The following CSMD2 variants were observed in gnomAD, a reference collection of about 807,000 sequenced individuals.
The protein encoded by CSMD2 is CUB and Sushi multiple domains 2, also known as CUB and sushi domain-containing protein 2.
Under a neutral mutation model 398.5 loss-of-function variants are expected in CSMD2, and 130 were observed. The observed-to-expected ratio is 0.33, with a 90% CI of 0.28 to 0.38. The LOEUF is 0.38. Ranked by LOEUF, CSMD2 falls within the 10% of genes least tolerant of loss-of-function variation. CSMD2 has a pLI of 1.00. For missense variants in CSMD2, 3,829 were observed against 4,764.9 expected (o/e 0.80, Z 5.78); for synonymous variants, 1,828 against 1,908.5 (o/e 0.96, Z 1.10).
intron 1 of CSMD2, among the ~76,000 whole-genome samples, chr1:34,123,670 G>A (rs1385655605): frequency 1.3e-5 from 2 of 152,106 alleles, no homozygotes; most frequent in African/African-American, 4.8e-5. Flanking sequence ...GGTAGATAGG[G>A]TAGGAGTTGA....
intron 5 of CSMD2, among the ~76,000 whole-genome samples, chr1:33,917,361 AAG>A (rs1194633162): frequency 6.6e-6 from 1 of 152,210 alleles, no homozygotes; most frequent in Non-Finnish European, 1.5e-5. Flanking sequence ...ATGAGAATAC[AAG>A]AGAGTGTTCC....
In CSMD2 at chr1:33,874,003, C is replaced by G. The variant is rs1640655062; in HGVS notation, c.921-27007G>C. Among the ~76,000 whole-genome samples, 3 of 152,156 alleles carry G rather than the reference C, an allele frequency of 2.0e-5. No homozygotes were observed. In the South Asian group the frequency reaches 6.2e-4, roughly 32 times the overall value. ...ACAGACTTAGGTCAGGTATCCCTTC[C>G]TCTAGGAAGCTGTCTTTGATGCTCC... is the stretch of plus-strand genomic sequence containing the variant. On this transcript the variant is annotated intron_variant, in intron 5 of 70. Transcript: ENST00000373381.
chr1:33,692,562 C>T (rs1361321837), intron 25 of CSMD2, among the ~76,000 whole-genome samples: 2 of 152,192 alleles, frequency 1.3e-5, no homozygotes, highest in African/African-American at 4.8e-5. Flanking sequence ...ATCCTGAGAT[C>T]CACACTCTAC....
chr1:33,557,410 G>A (rs1395778549), intron 55 of CSMD2, among the ~76,000 whole-genome samples: 1 of 152,178 alleles, frequency 6.6e-6, no homozygotes, highest in Non-Finnish European at 1.5e-5. Context: ...GGGAGATGAT[G>A]TCCCGCGAGG....
At chr1:34,087,398 A>G (rs1242204208) in intron 2 of CSMD2, among the ~76,000 whole-genome samples, 1 of 151,250 alleles carries the variant, frequency 6.6e-6, no homozygotes, top group Non-Finnish European at 1.5e-5. Flanking sequence ...GCATGTTCTC[A>G]CTCATAAGTG....
rs776342502 is a variant in CSMD2 at position 33,709,277 on chromosome 1, T to A, written c.3407-19A>T. 1 of 1,606,904 alleles carries A rather than the reference T, an allele frequency of 6.2e-7. No homozygotes were observed. The highest frequency in any genetic ancestry group is 1.7e-5 in the Admixed American group (1 of 59,600). On this transcript the variant is annotated intron_variant, in intron 21 of 70. Coordinates refer to ENST00000373381, the MANE Select transcript of CSMD2 (RefSeq NM_001281956.2). ...CACTCAGCTGGAAAGAGAATCACAA[T>A]AACCATAGATTAACCCCCATCAGCT...
intron 51 of CSMD2, 139 bp downstream of exon 51, chr1:33,571,393 T>C (rs1426163212): frequency 1.2e-5 from 6 of 517,122 alleles, no homozygotes; most frequent in Non-Finnish European, 1.5e-5. Flanking sequence ...CTGATTCTAC[T>C]AGATGAGAGT....
At chr1:34,028,830 G>A (rs10799021) in intron 3 of CSMD2, among the ~76,000 whole-genome samples, 12,107 of 152,218 alleles carry the variant, frequency 0.08, 910 homozygotes, top group East Asian at 0.33. Flanking sequence ...TCTTGCCCCC[G>A]GGGATTACAA....
chr1:34,004,178 C>T (rs1209736508), intron 3 of CSMD2, among the ~76,000 whole-genome samples: 1 of 152,222 alleles, frequency 6.6e-6, no homozygotes. Flanking sequence ...GAATCCAAAG[C>T]TCCCAGAAGC....
At chr1:33,883,753 A>G (rs1013253894) in intron 5 of CSMD2, among the ~76,000 whole-genome samples, 4 of 152,206 alleles carry the variant, frequency 2.6e-5, no homozygotes, top group African/African-American at 9.7e-5. Context: ...TTGAATTGGG[A>G]AACAAGGCCC....
In CSMD2 at chr1:33,527,252, C is replaced by A. The variant is rs148437366; in HGVS notation, c.10178G>T (p.Arg3393Leu). The A allele has an allele frequency of 6.2e-7, 1 of 1,612,826 alleles. No individual in the cohort carries two copies. The highest frequency in any genetic ancestry group is 8.5e-7 in the Non-Finnish European group (1 of 1,179,402). The change falls in exon 65 of 71, where the codon CGG (arginine) becomes CTG (leucine). Residue 3393 changes from arginine to leucine, a missense_variant. Coordinates refer to ENST00000373381, the MANE Select transcript of CSMD2 (RefSeq NM_001281956.2). ...TGKPPICLEV[R>L]PSGRPINTAR... The stretch of plus-strand genomic sequence containing the variant: ...AGTGTTGATGGGTCTCCCACTGGGC[C>A]GGACCTCTGCTGGGGAAAAAGAGTG...
chr1:33,569,578 A>G (rs764915769), intron 51 of CSMD2, 31 bp from the exon 52 acceptor site: 29 of 1,603,904 alleles, frequency 1.8e-5, no homozygotes, highest in Non-Finnish European at 4.3e-6. Flanking sequence ...TCAGTAAGCC[A>G]GCCCCAAGAG....
intron 6 of CSMD2, among the ~76,000 whole-genome samples, chr1:33,841,475 T>C (rs1001718035): frequency 1.3e-5 from 2 of 152,280 alleles, no homozygotes; most frequent in South Asian, 4.1e-4. Context: ...AGGGAGATAA[T>C]GAGGGTGCTG....
chr1:34,124,204 C>T (rs1662506987), intron 1 of CSMD2, among the ~76,000 whole-genome samples: 1 of 152,196 alleles, frequency 6.6e-6, no homozygotes, highest in South Asian at 2.1e-4. Flanking sequence ...ATTCATCCAT[C>T]CATCATGCAC....
chr1:34,037,308 C>G (rs1284250990), intron 2 of CSMD2, among the ~76,000 whole-genome samples: 1 of 152,052 alleles, frequency 6.6e-6, no homozygotes, highest in Non-Finnish European at 1.5e-5. Flanking sequence ...CTCCCCGCCC[C>G]CACCGGCGGC....
At chr1:33,773,735 A>G (rs1171909155) in intron 12 of CSMD2, among the ~76,000 whole-genome samples, 28 of 152,124 alleles carry the variant, frequency 1.8e-4, no homozygotes. Flanking sequence ...GATAGACAGG[A>G]GGTCATGAAG....
At position 33,719,626 on chromosome 1, in the gene CSMD2, C is replaced by T. The variant is rs541492239; in HGVS notation, c.3002-3125G>A. ...CAATGACATCAATACCACATAGGAG[C>T]AGAAAGAGCAGGGCAGTGGAAAAGG... On this transcript the variant is annotated intron_variant, in intron 19 of 70. Coordinates refer to ENST00000373381, the MANE Select transcript of CSMD2 (RefSeq NM_001281956.2). Among the ~76,000 whole-genome samples, 3 of 152,256 alleles carry T rather than the reference C, an allele frequency of 2.0e-5. No homozygotes were observed. In the South Asian group the frequency reaches 6.2e-4, roughly 32 times the overall value.
At chr1:33,692,784 G>T in intron 25 of CSMD2, 146 bp downstream of exon 25, 1 of 987,322 alleles carries the variant, frequency 1.0e-6, no homozygotes, top group Non-Finnish European at 1.5e-6. Context: ...ATTTTCTAAG[G>T]CATCCAGTAT....
rs143632250 is a variant in CSMD2, at chr1:33,599,980, T to G, written c.6856+885A>C. Reference sequence around the variant, plus strand: ...TGCGGAGGCTGGGTTCTGTTTCCAGTTCTATCCACATGGTTTTGGGCAAGT... The same window carrying G: ...TGCGGAGGCTGGGTTCTGTTTCCAGGTCTATCCACATGGTTTTGGGCAAGT... On this transcript the variant is annotated intron_variant, in intron 44 of 70. Coordinates refer to ENST00000373381, the MANE Select transcript of CSMD2 (RefSeq NM_001281956.2). 15 of 608,938 alleles carry G rather than the reference T, an allele frequency of 2.5e-5. No homozygotes were observed. In the African/African-American group the frequency reaches 2.8e-4, roughly 11 times the overall value. 37.7% of individuals were successfully genotyped at this position (608,938 alleles called of 1,614,324 possible). A position where few individuals can be genotyped will look rare whatever the true frequency, so the allele number is the denominator to read the frequency against.
Sources: allele counts gnomAD v4.1 joint callset (sites outside exome capture counted in the v4.1 genomes callset), GRCh38; gene constraint gnomAD v4.1.1; transcripts MANE v1.5; gene names NCBI Gene and HGNC (gene_info 2026-07-23, HGNC 2026-07-21).